UTRN: variants seen among roughly 807,000 people sequenced by gnomAD.
UTRN encodes utrophin.
In UTRN, 283 loss-of-function variants were observed where a neutral mutation model predicts 463.9. The ratio of observed to expected loss-of-function variants is 0.61; its 90% CI spans 0.55 to 0.67. The LOEUF is 0.67. UTRN is among the 30% of genes least tolerant of loss of function. The pLI is 0.00. For synonymous variants in UTRN, 1,442 were observed against 1,431.5 expected, an observed-to-expected ratio of 1.01 and a Z score of -0.17; for missense variants, 3,922 against 4,084.3, an observed-to-expected ratio of 0.96 and a Z score of 1.08.
intron 2 of UTRN, among the ~76,000 whole-genome samples, chr6:144,359,727 T>C (rs1778877907): frequency 6.6e-6 from 1 of 151,988 alleles, no homozygotes; most frequent in Non-Finnish European, 1.5e-5. Flanking sequence ...ATCGTTTTTT[T>C]TTTTTTTCTT....
In UTRN at chr6:144,285,620, C is replaced by A. The variant is rs1045188240; in HGVS notation, c.-294C>A. ...GGCGTTTTCAGTCGGGTGTCAATTT[C>A]TCTTTCTTTCTTTCTTTTTTTAAAA... On this transcript the variant is annotated 5_prime_UTR_variant, in exon 1 of 75. Coordinates refer to ENST00000367545, the MANE Select transcript of UTRN (RefSeq NM_007124.3). 1 of 152,158 alleles carries A rather than the reference C, an allele frequency of 6.6e-6. No individual in the cohort carries two copies. Among genetic ancestry groups the A allele is most frequent in the Non-Finnish European group, 1.5e-5 (1 of 68,028 alleles). 9.4% of individuals were successfully genotyped at this position (152,158 alleles called of 1,614,324 possible).
At chr6:144,519,862 A>G (rs972540432) in intron 39 of UTRN, among the ~76,000 whole-genome samples, 4 of 152,200 alleles carry the variant, frequency 2.6e-5, no homozygotes, top group African/African-American at 9.7e-5. Context: ...GCAGAATGAC[A>G]ATCCGTTATG....
chr6:144,485,384 G>A lies in UTRN; in HGVS notation c.3688-1G>A. 6.2e-7 allele frequency: 1 copy of A among 1,614,014 alleles called. No individual in the cohort carries two copies. The highest frequency in any genetic ancestry group is 8.5e-7 in the Non-Finnish European group (1 of 1,179,980). ...CTAATTTAAAATTTTTCATGCTTTA[G>A]GAGGTCTGGTCTTGTTGGATTGAAC... On this transcript the variant is annotated splice_acceptor_variant, in intron 27 of 74. Transcript: ENST00000367545. LOFTEE classifies it high-confidence loss of function.
intron 19 of UTRN, among the ~76,000 whole-genome samples, chr6:144,454,667 T>G (rs1440026830): frequency 1.3e-5 from 2 of 152,170 alleles, no homozygotes; most frequent in African/African-American, 2.4e-5. Context: ...AAAATATAAC[T>G]GTATAAAAGC....
intron 51 of UTRN, among the ~76,000 whole-genome samples, chr6:144,662,872 T>C (rs1390650640): frequency 6.6e-6 from 1 of 152,184 alleles, no homozygotes; most frequent in Non-Finnish European, 1.5e-5. Flanking sequence ...TATTTTTGAA[T>C]TTTGGAGACA....
intron 2 of UTRN, among the ~76,000 whole-genome samples, chr6:144,360,298 G>A (rs952383901): frequency 1.3e-5 from 2 of 151,504 alleles, no homozygotes; most frequent in Non-Finnish European, 2.9e-5. Context: ...TCAGCCTCCC[G>A]AGTAGCTGGG....
At chr6:144,425,377 T>C (rs1469966440) in intron 6 of UTRN, among the ~76,000 whole-genome samples, 1 of 152,242 alleles carries the variant, frequency 6.6e-6, no homozygotes, top group African/African-American at 2.4e-5. Context: ...ACCAAGTTTC[T>C]TCCCTGTAAA....
At chr6:144,529,946 A>G (rs908566708) in intron 41 of UTRN, among the ~76,000 whole-genome samples, 1 of 152,236 alleles carries the variant, frequency 6.6e-6, no homozygotes, top group African/African-American at 2.4e-5. Context: ...TATCCTGAAT[A>G]TAACAAGCAC....
At chr6:144,665,117 G>GA (rs1780256191) in intron 51 of UTRN, among the ~76,000 whole-genome samples, 1 of 152,092 alleles carries the variant, frequency 6.6e-6, no homozygotes, top group East Asian at 1.9e-4. Context: ...AACTCCTTCA[G>GA]AAAAAAACAT....
At chr6:144,450,156 G>A (rs577208809) in intron 17 of UTRN, among the ~76,000 whole-genome samples, 9 of 152,138 alleles carry the variant, frequency 5.9e-5, no homozygotes, top group Middle Eastern at 3.4e-3. Flanking sequence ...TTCTCGACTC[G>A]TCTCTCTTTA....
At chr6:144,590,210 C>T (rs1002267015) in intron 51 of UTRN, among the ~76,000 whole-genome samples, 8 of 151,854 alleles carry the variant, frequency 5.3e-5, no homozygotes, top group African/African-American at 9.7e-5. Flanking sequence ...AAAACTATTT[C>T]GATGTTCGAT....
At chr6:144,603,170 A>G (rs948381790) in intron 51 of UTRN, among the ~76,000 whole-genome samples, 1 of 152,154 alleles carries the variant, frequency 6.6e-6, no homozygotes, top group Non-Finnish European at 1.5e-5. Context: ...TTTTTAGGGC[A>G]GTGGTAAACA....
At chr6:144,384,491 G>A (rs750240131) in intron 2 of UTRN, among the ~76,000 whole-genome samples, 2 of 151,666 alleles carry the variant, frequency 1.3e-5, no homozygotes, top group Non-Finnish European at 2.9e-5. Flanking sequence ...CCACTGCCCC[G>A]CCCATGGAAA....
intron 1 of UTRN, among the ~76,000 whole-genome samples, chr6:144,290,001 C>T (rs1804061684): frequency 6.6e-6 from 1 of 152,164 alleles, no homozygotes; most frequent in Admixed American, 6.5e-5. Context: ...TTCTGTCTGT[C>T]TGTGTGTATG....
In UTRN at chr6:144,774,281, C is replaced by T; in HGVS notation, c.8558-9C>T. On this transcript the variant is annotated splice_polypyrimidine_tract_variant and intron_variant, in intron 59 of 74. Coordinates refer to ENST00000367545, the MANE Select transcript of UTRN (RefSeq NM_007124.3). ...GCCTATCTTCAAATTGTTTCTTTTT[C>T]TATTTCAGCTGACCTGAATAATGTA... 6.3e-7 allele frequency: 1 copy of T among 1,594,096 alleles called. No homozygotes were observed. The highest frequency in any genetic ancestry group is 8.5e-7 in the Non-Finnish European group (1 of 1,174,030).
rs755499443 is a variant in UTRN at position 144,448,718 on chromosome 6, C to T, written c.2021C>T (p.Pro674Leu). 5.6e-6 allele frequency: 9 copies of T among 1,613,880 alleles called. No homozygotes were observed. The highest frequency in any genetic ancestry group is 2.7e-5 in the African/African-American group (2 of 74,894). ...AAATCTAAGCAGGAACTGCCTCCTC[C>T]TCCTCCCCCAAAGAAGAGACAGATC... ...TKKSKQELPP[P>L]PPPKKRQIHV... The change falls in exon 17 of 75, where the codon CCT becomes CTT. Residue 674 changes from proline to leucine, a missense_variant. Pro to Leu is a moderately conservative substitution (Grantham distance 98). Transcript: ENST00000367545.
In UTRN at chr6:144,504,223, G is replaced by A. The variant is rs925230047; in HGVS notation, c.4764+4796G>A. Among the ~76,000 whole-genome samples the A allele has an allele frequency of 9.9e-5, 15 of 152,074 alleles. No individual in the cohort carries two copies. In the South Asian group the frequency reaches 1.4e-3, roughly 15 times the overall value. On this transcript the variant is annotated intron_variant, in intron 34 of 74. Coordinates refer to ENST00000367545, the MANE Select transcript of UTRN (RefSeq NM_007124.3). ...ACTTCTTCTCTTCCTATTTGAATAC[G>A]CTTTATTTCTTTCTCTTTCCTGATT...
At chr6:144,752,852 C>G (rs915994517) in intron 56 of UTRN, among the ~76,000 whole-genome samples, 1 of 151,898 alleles carries the variant, frequency 6.6e-6, no homozygotes, top group South Asian at 2.1e-4. Context: ...GATTAGAAGT[C>G]GGGGAATATG....
intron 34 of UTRN, among the ~76,000 whole-genome samples, chr6:144,510,584 C>T (rs1795086353): frequency 6.6e-6 from 1 of 152,036 alleles, no homozygotes; most frequent in Non-Finnish European, 1.5e-5. Context: ...GCTTTGCCAG[C>T]TTGTAGTTAC....
Sources: gnomAD v4.1 joint callset for allele counts (sites outside exome capture counted in the v4.1 genomes callset) on GRCh38, gnomAD v4.1.1 for gene constraint, MANE v1.5 for transcripts, NCBI Gene and HGNC (gene_info 2026-07-23, HGNC 2026-07-21) for gene names.